Variants in PTPRD observed in about 807,000 individuals in gnomAD.
The protein encoded by PTPRD is receptor-type tyrosine-protein phosphatase delta.
PTPRD carries 34 observed loss-of-function variants against 214.5 expected under a neutral mutation model. The ratio of observed to expected loss-of-function variants is 0.16; its 90% CI spans 0.12 to 0.21. PTPRD has a LOEUF of 0.21. Ranked by LOEUF, PTPRD falls within the 10% of genes least tolerant of loss-of-function variation. The probability of loss-of-function intolerance (pLI) is 1.00; values close to 1 mark genes in which losing one functional copy is unlikely to be tolerated. For synonymous variants in PTPRD, 1,128 were observed against 845.7 expected, an observed-to-expected ratio of 1.33 and a Z score of -5.79; for missense variants, 2,545 against 2,398.7, an observed-to-expected ratio of 1.06 and a Z score of -1.27.
At chr9:10,283,971 G>A (rs1002650666) in intron 3 of PTPRD, among the ~76,000 whole-genome samples, 3 of 152,054 alleles carry the variant, frequency 2.0e-5, no homozygotes, top group Admixed American at 2.0e-4. Flanking sequence ...TTCTCTCATG[G>A]TTTGTGAGAC....
chr9:9,501,656 C>T (rs1434048312), intron 8 of PTPRD, among the ~76,000 whole-genome samples: 2 of 151,860 alleles, frequency 1.3e-5, no homozygotes, highest in African/African-American at 2.4e-5. Context: ...AGACTACAGA[C>T]TGGGCAATAC....
intron 5 of PTPRD, among the ~76,000 whole-genome samples, chr9:9,812,093 T>C (rs1342894400): frequency 2.0e-5 from 3 of 151,332 alleles, no homozygotes; most frequent in Non-Finnish European, 4.4e-5. Flanking sequence ...ATATAATTGT[T>C]AGCAGTTTTT....
At chr9:10,096,016 C>T (rs954250045) in intron 3 of PTPRD, among the ~76,000 whole-genome samples, 2 of 151,564 alleles carry the variant, frequency 1.3e-5, no homozygotes, top group Admixed American at 6.6e-5. Context: ...TTCCTTTGCC[C>T]TATATCCACA....
chr9:9,417,529 C>T (rs1449443055), intron 8 of PTPRD, among the ~76,000 whole-genome samples: 1 of 151,988 alleles, frequency 6.6e-6, no homozygotes, highest in African/African-American at 2.4e-5. Flanking sequence ...TAAAAAACTC[C>T]AGTTCATTCT....
intron 9 of PTPRD, among the ~76,000 whole-genome samples, chr9:9,212,144 T>A (rs150819224): frequency 8.3e-4 from 126 of 152,318 alleles, no homozygotes; most frequent in African/African-American, 2.8e-3. Context: ...TAAAGATGTT[T>A]GTATTTTATG....
intron 12 of PTPRD, among the ~76,000 whole-genome samples, chr9:8,639,471 C>T (rs921286152): frequency 2.6e-5 from 4 of 152,082 alleles, no homozygotes; most frequent in African/African-American, 9.7e-5. Context: ...TTGTAAGAGC[C>T]CAGCTTCCCA....
In PTPRD at chr9:10,511,945, TAC is replaced by T. The variant is rs1267594091; in HGVS notation, c.-600+100451_-600+100452del. ...ATATATATATACGTGTATATATATATACGTGTGTGTATATATATATACGTGTG... is the reference window on the plus strand; with the variant it reads ...ATATATATATACGTGTATATATATATGTGTGTGTATATATATATACGTGTG... On this transcript the variant is annotated intron_variant, in intron 2 of 45. Transcript: ENST00000381196. Among the ~76,000 whole-genome samples the T allele has an allele frequency of 1.2e-4, 7 of 57,884 alleles. 1 individual carries two copies. The highest frequency in any genetic ancestry group is 4.0e-4 in the African/African-American group (7 of 17,430). The allele number at this position is 57,884 out of a possible 152,430, so 38.0% of individuals were successfully genotyped here.
At chr9:10,146,894 T>C (rs1352334944) in intron 3 of PTPRD, among the ~76,000 whole-genome samples, 1 of 152,094 alleles carries the variant, frequency 6.6e-6, no homozygotes, top group East Asian at 1.9e-4. Flanking sequence ...CCAATATATT[T>C]GGGGAAGCTC....
rs370229517 is a variant in PTPRD, at chr9:10,360,026, T to C, written c.-599-19009A>G. Among the ~76,000 whole-genome samples, 86 of 152,338 alleles carry C rather than the reference T, an allele frequency of 5.6e-4. 1 individual carries two copies. In the South Asian group the frequency reaches 0.015, roughly 26 times the overall value. On this transcript the variant is annotated intron_variant, in intron 2 of 45. Coordinates refer to ENST00000381196, the MANE Select transcript of PTPRD (RefSeq NM_002839.4). Reference sequence around the variant, plus strand: ...TTTACATTTTTCTCAATGTTCCTTTTCAGATCTATTAGTTCACGTTAGGCT... The same window carrying C: ...TTTACATTTTTCTCAATGTTCCTTTCCAGATCTATTAGTTCACGTTAGGCT...
At chr9:9,282,117 G>T (rs557121806) in intron 9 of PTPRD, among the ~76,000 whole-genome samples, 1 of 151,322 alleles carries the variant, frequency 6.6e-6, no homozygotes, top group Non-Finnish European at 1.5e-5. Context: ...GAATGAATAG[G>T]TGAAGTATAG....
chr9:9,438,612 A>C (rs575404641), intron 8 of PTPRD, among the ~76,000 whole-genome samples: 1 of 152,190 alleles, frequency 6.6e-6, no homozygotes, highest in Non-Finnish European at 1.5e-5. Flanking sequence ...AAGTCTCTGG[A>C]CTATGATGCC....
chr9:9,869,283 C>T (rs1369836333), intron 5 of PTPRD, among the ~76,000 whole-genome samples: 1 of 152,090 alleles, frequency 6.6e-6, no homozygotes, highest in Non-Finnish European at 1.5e-5. Context: ...CTAACAAATG[C>T]AGAAGAAATG....
At chr9:9,468,580 C>T (rs1352504262) in intron 8 of PTPRD, among the ~76,000 whole-genome samples, 1 of 151,908 alleles carries the variant, frequency 6.6e-6, no homozygotes, top group African/African-American at 2.4e-5. Flanking sequence ...TATTCAATGT[C>T]TTTATTTCAT....
chr9:9,492,663 A>C (rs1174841684), intron 8 of PTPRD, among the ~76,000 whole-genome samples: 1 of 152,006 alleles, frequency 6.6e-6, no homozygotes, highest in African/African-American at 2.4e-5. Flanking sequence ...CAACATAATA[A>C]AAGTCACGTA....
intron 8 of PTPRD, among the ~76,000 whole-genome samples, chr9:9,474,996 C>T (rs1344263219): frequency 1.3e-5 from 2 of 152,026 alleles, no homozygotes; most frequent in Non-Finnish European, 2.9e-5. Context: ...AGGAGGAAAA[C>T]AGACCAGCCA....
chr9:9,606,857 G>C (rs2094188191), intron 7 of PTPRD, among the ~76,000 whole-genome samples: 1 of 149,852 alleles, frequency 6.7e-6, no homozygotes, highest in Non-Finnish European at 1.5e-5. Context: ...TATCCTCCAA[G>C]CACAGCCTGC....
At chr9:9,128,983 A>C (rs1398888344) in intron 10 of PTPRD, among the ~76,000 whole-genome samples, 1 of 152,242 alleles carries the variant, frequency 6.6e-6, no homozygotes, top group Non-Finnish European at 1.5e-5. Context: ...AAACTATAGA[A>C]GATTCTATTT....
At chr9:9,173,735 T>G (rs997927120) in intron 10 of PTPRD, among the ~76,000 whole-genome samples, 4 of 152,182 alleles carry the variant, frequency 2.6e-5, no homozygotes, top group African/African-American at 9.7e-5. Flanking sequence ...AGTCCATGGT[T>G]GACCATGGAC....
intron 5 of PTPRD, among the ~76,000 whole-genome samples, chr9:9,806,488 C>G (rs149565841): frequency 6.6e-6 from 1 of 152,090 alleles, no homozygotes; most frequent in South Asian, 2.1e-4. Flanking sequence ...TGTGAATGTA[C>G]TTTGTAACAT....
Sources: allele counts gnomAD v4.1 joint callset (sites outside exome capture counted in the v4.1 genomes callset), GRCh38; gene constraint gnomAD v4.1.1; transcripts MANE v1.5; gene names NCBI Gene and HGNC (gene_info 2026-07-23, HGNC 2026-07-21).